The following MCPH1 variants were observed in gnomAD, a reference collection of about 807,000 sequenced individuals.
The protein encoded by MCPH1 is microcephalin.
A neutral mutation model predicts 84.5 loss-of-function variants in MCPH1; 104 were observed. The observed-to-expected ratio is 1.23, with a 90% CI of 1.05 to 1.45. The LOEUF is 1.45. Among genes scored for constraint, MCPH1 ranks in the 40% most tolerant of loss-of-function variants. The pLI, the probability that MCPH1 is intolerant of heterozygous loss-of-function variation, is 0.00. For synonymous variants in MCPH1, 514 were observed against 366.8 expected (o/e 1.40, Z -4.58); for missense variants, 1,498 against 1,005.7 (o/e 1.49, Z -6.62).
Position 6,466,129 on chromosome 8 carries a change from A to ATTTTT in MCPH1, c.1935+10896_1935+10900dup, listed in dbSNP as rs751729134. Among the ~76,000 whole-genome samples, 12 of 19,786 alleles carry ATTTTT rather than the reference A, an allele frequency of 6.1e-4. 6 individuals carry two copies. Among genetic ancestry groups the ATTTTT allele is most frequent in the Non-Finnish European group, 5.2e-4 (4 of 7,650 alleles). 13.0% of individuals were successfully genotyped at this position (19,786 alleles called of 152,430 possible). ...GCCACTACACCTGGCTAATTTTTGG[A>ATTTTT]TTTTTTTTTTTTTTTTTTTTTTTCC... On this transcript the variant is annotated intron_variant, in intron 9 of 13. Transcript: ENST00000344683.
In MCPH1 at chr8:6,424,195, C is replaced by G. The variant is rs1241956136; in HGVS notation, c.234-7304C>G. Among the ~76,000 whole-genome samples, 4 of 152,158 alleles carry G rather than the reference C, an allele frequency of 2.6e-5. No homozygotes were observed. The South Asian group carries it at 8.3e-4, about 32-fold the overall frequency. ...TTCCTTTGGATGTAGAAATTTTTAC[C>G]TTGAAGAAAGAATACATAAAGTTGA... On this transcript the variant is annotated intron_variant, in intron 3 of 13. Coordinates refer to ENST00000344683, the MANE Select transcript of MCPH1 (RefSeq NM_024596.5).
intron 12 of MCPH1, among the ~76,000 whole-genome samples, chr8:6,610,296 T>C (rs1475983041): frequency 6.6e-6 from 1 of 152,250 alleles, no homozygotes; most frequent in Non-Finnish European, 1.5e-5. Context: ...ACCTTGATTT[T>C]AGACAAACTC....
At chr8:6,593,660 C>G (rs1325435527) in intron 12 of MCPH1, among the ~76,000 whole-genome samples, 1 of 152,198 alleles carries the variant, frequency 6.6e-6, no homozygotes, top group African/African-American at 2.4e-5. Flanking sequence ...GACCCAGACA[C>G]CATGTTTTTA....
chr8:6,513,715 C>T, intron 12 of MCPH1: 6 of 1,613,460 alleles, frequency 3.7e-6, no homozygotes, highest in Non-Finnish European at 5.1e-6. Flanking sequence ...TAGAAATGTT[C>T]ATACAATGAG....
Position 6,600,651 on chromosome 8 carries a change from G to C in MCPH1, c.2215-20803G>C, listed in dbSNP as rs139695497. Among the ~76,000 whole-genome samples, 5 of 152,338 alleles carry C rather than the reference G, an allele frequency of 3.3e-5. No homozygotes were observed. The East Asian group carries it at 9.6e-4, about 29-fold the overall frequency. On this transcript the variant is annotated intron_variant, in intron 12 of 13. Coordinates refer to ENST00000344683, the MANE Select transcript of MCPH1 (RefSeq NM_024596.5). ...AAAACCTTACAGCTTTGTATTGAAA[G>C]ATTTCTTAAGTTTTTAGTTTATTGA...
intron 12 of MCPH1, among the ~76,000 whole-genome samples, chr8:6,564,269 G>T (rs1333003188): frequency 6.6e-6 from 1 of 152,114 alleles, no homozygotes; most frequent in East Asian, 1.9e-4. Context: ...GAGTCACCAT[G>T]CCTGGCCCAC....
intron 9 of MCPH1, among the ~76,000 whole-genome samples, chr8:6,459,219 C>T (rs1806010959): frequency 6.6e-6 from 1 of 151,906 alleles, no homozygotes; most frequent in African/African-American, 2.4e-5. Context: ...TTATTTTGTT[C>T]CTTGTTAGAT....
At chr8:6,482,842 C>T (rs1809408588) in intron 11 of MCPH1, among the ~76,000 whole-genome samples, 1 of 152,208 alleles carries the variant, frequency 6.6e-6, no homozygotes, top group Non-Finnish European at 1.5e-5. Context: ...TAATAAACTT[C>T]TCACCTTTAG....
chr8:6,642,954 G>C, intron 13 of MCPH1, 40 bp from the exon 14 acceptor site: 1 of 1,581,404 alleles, frequency 6.3e-7, no homozygotes, highest in Non-Finnish European at 8.7e-7. Context: ...TATGTGGCTG[G>C]CTATTATGAA....
intron 12 of MCPH1, among the ~76,000 whole-genome samples, chr8:6,603,923 A>C (rs1829556966): frequency 6.6e-6 from 1 of 152,216 alleles, no homozygotes. Flanking sequence ...TCAGTTTCAA[A>C]AATAATTTGG....
chr8:6,532,206 C>A (rs187681300), intron 12 of MCPH1: 2 of 1,102,406 alleles, frequency 1.8e-6, no homozygotes, highest in East Asian at 4.8e-5. Context: ...CTTATCAATT[C>A]ATTCCTTTTC....
intron 12 of MCPH1, among the ~76,000 whole-genome samples, chr8:6,602,947 G>T (rs1197783534): frequency 6.6e-6 from 1 of 151,962 alleles, no homozygotes; most frequent in Non-Finnish European, 1.5e-5. Context: ...GTGTGTCTGT[G>T]TACATAGGCG....
At chr8:6,430,976 C>T (rs182832876) in intron 3 of MCPH1, among the ~76,000 whole-genome samples, 1 of 152,274 alleles carries the variant, frequency 6.6e-6, no homozygotes, top group East Asian at 1.9e-4. Flanking sequence ...GGTGTGTCCA[C>T]AGGGCAGGAG....
At chr8:6,521,266 G>A (rs1817281941) in intron 12 of MCPH1, 4 of 1,613,766 alleles carry the variant, frequency 2.5e-6, no homozygotes, top group Non-Finnish European at 2.5e-6. Context: ...TATTCACCGT[G>A]GCAGTCACTA....
At chr8:6,606,391 A>G (rs542131441) in intron 12 of MCPH1, among the ~76,000 whole-genome samples, 4 of 152,360 alleles carry the variant, frequency 2.6e-5, no homozygotes, top group Admixed American at 2.0e-4. Flanking sequence ...CATTTTATAC[A>G]TCTTGAACCA....
chr8:6,499,980 A>C (rs969449763), intron 12 of MCPH1, 51 bp downstream of exon 12: 15 of 1,479,374 alleles, frequency 1.0e-5, no homozygotes, highest in Non-Finnish European at 1.9e-6. Flanking sequence ...TGTTCTCAAG[A>C]AATTATTATA....
intron 11 of MCPH1, among the ~76,000 whole-genome samples, chr8:6,496,512 C>T (rs534040196): frequency 5.7e-4 from 87 of 152,096 alleles, no homozygotes; most frequent in African/African-American, 2.0e-3. Flanking sequence ...TTTCGCCACA[C>T]GGAAGCCCCC....
intron 1 of MCPH1, 107 bp downstream of exon 1, chr8:6,406,796 C>T (rs1269968695): frequency 4.7e-6 from 6 of 1,269,086 alleles, no homozygotes; most frequent in Middle Eastern, 2.2e-4. Context: ...GCTCGCCCCT[C>T]CCTCGCTGCC....
At chr8:6,432,231 A>G (rs1332423639) in intron 4 of MCPH1, among the ~76,000 whole-genome samples, 2 of 152,192 alleles carry the variant, frequency 1.3e-5, no homozygotes, top group Admixed American at 1.3e-4. Context: ...CAACCTCCCA[A>G]TTGGGATTAC....
Sources: allele counts gnomAD v4.1 joint callset (sites outside exome capture counted in the v4.1 genomes callset), GRCh38; gene constraint gnomAD v4.1.1; transcripts MANE v1.5; gene names NCBI Gene and HGNC (gene_info 2026-07-23, HGNC 2026-07-21).